Variants in GLIS2 observed in about 807,000 individuals in gnomAD.
GLIS2 encodes GLIS family zinc finger 2.
A neutral mutation model predicts 35.6 loss-of-function variants in GLIS2; 14 were observed. That is an observed-to-expected ratio of 0.39 (90% CI 0.26 to 0.61). The LOEUF (loss-of-function observed/expected upper bound fraction) is 0.61. Ranked by LOEUF, GLIS2 falls within the 20% of genes least tolerant of loss-of-function variation. GLIS2 has a pLI of 0.48. For missense variants in GLIS2, 675 were observed against 713.4 expected (o/e 0.95, Z 0.61); for synonymous variants, 368 against 325.1 (o/e 1.13, Z -1.42).
chr16:4,320,323 T>A lies in GLIS2; in HGVS notation c.-67+4069T>A, dbSNP rs1217881371. On this transcript the variant is annotated intron_variant, in intron 1 of 6. Coordinates refer to ENST00000433375, the MANE Select transcript of GLIS2 (RefSeq NM_032575.3). This position sits in a 1 kb window ranked among gnomAD's most constrained non-coding sequence, Gnocchi z 5.6. ...GCCGGGAGCCTCCGGAAAACAGTCC[T>A]GCCCGTCACATGGAGGGTCCCCACC... Among the ~76,000 whole-genome samples the A allele has an allele frequency of 6.6e-6, 1 of 152,074 alleles. No individual in the cohort carries two copies. Among genetic ancestry groups the A allele is most frequent in the African/African-American group, 2.4e-5 (1 of 41,402 alleles).
chr16:4,318,180 A>C lies in GLIS2; in HGVS notation c.-67+1926A>C, dbSNP rs148927080. ...TGGCTGGAGCCCAGTCACAGCTTGG[A>C]GGGTGACCGGGGAAAGCCCCTGGCC... On this transcript the variant is annotated intron_variant, in intron 1 of 6. Coordinates refer to ENST00000433375, the MANE Select transcript of GLIS2 (RefSeq NM_032575.3). 2.6e-3 allele frequency among the ~76,000 whole-genome samples: 394 copies of C among 152,208 alleles called. 1 individual carries two copies. The highest frequency in any genetic ancestry group is 8.8e-3 in the African/African-American group (365 of 41,542).
Position 4,335,480 on chromosome 16 carries a change from T to C in GLIS2, c.775+87T>C. ...GCAGGTCCCCAGGGGGAGGGGACTG[T>C]TAAGTAAATCCCGGGCCTCAGAGAT... is the stretch of plus-strand genomic sequence containing the variant. On this transcript the variant is annotated intron_variant, in intron 6 of 6. Transcript: ENST00000433375. The surrounding 1 kb of genome is among the most constrained non-coding windows in gnomAD (Gnocchi z 4.6). The C allele has an allele frequency of 8.5e-7, 1 of 1,173,818 alleles. No individual in the cohort carries two copies. The highest frequency in any genetic ancestry group is 1.3e-6 in the Non-Finnish European group (1 of 787,702). The allele number at this position is 1,173,818 out of a possible 1,614,324, so 72.7% of individuals were successfully genotyped here. A position where few individuals can be genotyped will look rare whatever the true frequency, so the allele number is the denominator to read the frequency against.
chr16:4,336,205 G>T, intron 6 of GLIS2: 2 of 251,144 alleles, frequency 8.0e-6, no homozygotes, highest in South Asian at 1.0e-4. Context: ...GGAGTGCAGT[G>T]GCATGATCTT....
chr16:4,323,950 C>T (rs1407151702), intron 1 of GLIS2, among the ~76,000 whole-genome samples: 1 of 152,218 alleles, frequency 6.6e-6, no homozygotes, highest in Non-Finnish European at 1.5e-5. Flanking sequence ...TGAGTTCCCA[C>T]AGCCAGGGGT....
intron 1 of GLIS2, among the ~76,000 whole-genome samples, chr16:4,321,312 G>A (rs2053377148): frequency 6.6e-6 from 1 of 152,208 alleles, no homozygotes; most frequent in Non-Finnish European, 1.5e-5. Flanking sequence ...AGGCATCTAT[G>A]TCAGGAGACC....
chr16:4,337,429 G>A lies in GLIS2; in HGVS notation c.1480G>A (p.Val494Ile), dbSNP rs780851672. 81 of 1,583,710 alleles carry A rather than the reference G, an allele frequency of 5.1e-5. No homozygotes were observed. Among genetic ancestry groups the A allele is most frequent in the Middle Eastern group, 5.0e-4 (3 of 6,024 alleles). Residue 494 changes from valine (V) to isoleucine (I), a missense_variant, in exon 7 of 7, where the codon GTC becomes ATC. Val to Ile is a conservative substitution (Grantham distance 29). Coordinates refer to ENST00000433375, the MANE Select transcript of GLIS2 (RefSeq NM_032575.3). Reference protein sequence around the residue: ...PGTVLDLSTGVNSAASSPEAL... With the variant: ...PGTVLDLSTGINSAASSPEAL... Reference sequence around the variant, plus strand: ...CACCGTGCTGGACCTGTCCACGGGCGTCAACTCAGCTGCCAGCAGCCCAGA... The same window carrying A: ...CACCGTGCTGGACCTGTCCACGGGCATCAACTCAGCTGCCAGCAGCCCAGA...
chr16:4,322,170 G>C (rs945342551), intron 1 of GLIS2, among the ~76,000 whole-genome samples: 1 of 151,366 alleles, frequency 6.6e-6, no homozygotes, highest in African/African-American at 2.4e-5. Flanking sequence ...AGGAAGGGGG[G>C]TGCCAAAGGA....
chr16:4,318,469 G>T (rs2053338995), intron 1 of GLIS2, among the ~76,000 whole-genome samples: 1 of 152,194 alleles, frequency 6.6e-6, no homozygotes, highest in African/African-American at 2.4e-5. Context: ...AAACCTCATT[G>T]CAAACAATCG....
In GLIS2 at chr16:4,334,847, A is replaced by G; in HGVS notation, c.392A>G (p.Gln131Arg). 1 of 1,613,368 alleles carries G rather than the reference A, an allele frequency of 6.2e-7. No individual in the cohort carries two copies. ...RYLDGVPSSF[Q>R]FFLPLGSGGA... ...TTGGATGGTGTCCCCAGCTCCTTCC[A>G]GTTCTTCCTGCCCCTCGGCTCCGGG... Residue 131 changes from glutamine to arginine, a missense_variant, in exon 4 of 7, where the codon CAG (glutamine) becomes CGG (arginine). Gln to Arg is a conservative substitution (Grantham distance 43, BLOSUM62 1). This residue lies in a region of GLIS2 where 225 missense variants were observed against 238.7 expected (regional missense o/e 0.94). Coordinates refer to ENST00000433375, the MANE Select transcript of GLIS2 (RefSeq NM_032575.3).
intron 1 of GLIS2, among the ~76,000 whole-genome samples, chr16:4,327,385 C>T (rs985691984): frequency 6.6e-6 from 1 of 152,234 alleles, no homozygotes; most frequent in African/African-American, 2.4e-5. Context: ...CCTTTACCCC[C>T]TCTGGTGTAT....
chr16:4,334,047 A>G (rs2053524347), intron 3 of GLIS2, among the ~76,000 whole-genome samples: 1 of 152,028 alleles, frequency 6.6e-6, no homozygotes, highest in Non-Finnish European at 1.5e-5. Context: ...GGTTCAAGCG[A>G]TTCTCCTGCC....
In GLIS2 at chr16:4,320,069, C is replaced by A. The variant is rs879547234; in HGVS notation, c.-67+3815C>A. On this transcript the variant is annotated intron_variant, in intron 1 of 6. Coordinates refer to ENST00000433375, the MANE Select transcript of GLIS2 (RefSeq NM_032575.3). The surrounding 1 kb of genome is among the most constrained non-coding windows in gnomAD (Gnocchi z 5.6). ...GGCTGGGGGGCGGGTGACTTGGGCT[C>A]CTCGTGCCCTTTGTCTTCGGTGCTT... 6.6e-6 allele frequency among the ~76,000 whole-genome samples: 1 copy of A among 152,136 alleles called. No homozygotes were observed.
intron 1 of GLIS2, among the ~76,000 whole-genome samples, chr16:4,327,793 C>A: frequency 6.6e-6 from 1 of 151,770 alleles, no homozygotes; most frequent in South Asian, 2.1e-4. Flanking sequence ...TCCTCCCTCG[C>A]CGCAGCCGCT....
intron 1 of GLIS2, among the ~76,000 whole-genome samples, chr16:4,316,730 C>A (rs770918500): frequency 2.0e-5 from 3 of 152,138 alleles, no homozygotes; most frequent in Non-Finnish European, 4.4e-5. Context: ...GAGTCTCCCT[C>A]CTGCTGCCCC....
At chr16:4,315,659 G>A (rs967011540), upstream of GLIS2, among the ~76,000 whole-genome samples, 4 of 142,778 alleles carry the variant, frequency 2.8e-5, no homozygotes, top group Admixed American at 1.4e-4. Context: ...GGCCGGGGGC[G>A]GGGCCGCGGG....
At chr16:4,327,973 G>A (rs1179181385) in intron 1 of GLIS2, among the ~76,000 whole-genome samples, 3 of 151,860 alleles carry the variant, frequency 2.0e-5, no homozygotes, top group African/African-American at 4.8e-5. Flanking sequence ...CTGAGTGCTC[G>A]AGAGACGCGG....
upstream of GLIS2, among the ~76,000 whole-genome samples, chr16:4,315,638 C>T (rs1351054704): frequency 6.6e-6 from 1 of 150,826 alleles, no homozygotes; most frequent in Non-Finnish European, 1.5e-5. Flanking sequence ...CGTGTCCTAG[C>T]GCTGCCCTCG....
At chr16:4,333,584 T>A in intron 3 of GLIS2, 65 bp downstream of exon 3, 4 of 1,501,728 alleles carry the variant, frequency 2.7e-6, no homozygotes, top group Non-Finnish European at 3.6e-6. Context: ...CATGACAAAG[T>A]ACCCCAACAC....
rs763865739 is a variant in GLIS2, at chr16:4,333,373, G to A, written c.199G>A (p.Glu67Lys). The part of the protein sequence containing the change: ...SGFLLNSKFP[E>K]KVEGRFSAAP... ...CTTCCTGCTGAACTCCAAGTTCCCC[G>A]AGAAGGTGGAGGGACGCTTTTCAGC... The change falls in exon 3 of 7, where the codon GAG (glutamate) becomes AAG (lysine). Residue 67 changes from glutamate to lysine, a missense_variant. Transcript: ENST00000433375. 4.5e-5 allele frequency: 73 copies of A among 1,612,900 alleles called. No individual in the cohort carries two copies. Among genetic ancestry groups the A allele is most frequent in the Non-Finnish European group, 5.9e-5 (70 of 1,179,994 alleles).
Sources: gnomAD v4.1 joint callset for allele counts (sites outside exome capture counted in the v4.1 genomes callset) on GRCh38, gnomAD v4.1.1 for gene constraint, gnomAD v4.1.1 regional missense constraint, Gnocchi (gnomAD v3.1) non-coding constraint, MANE v1.5 for transcripts, NCBI Gene and HGNC (gene_info 2026-07-23, HGNC 2026-07-21) for gene names.